Variants in STK3 observed in about 807,000 individuals in gnomAD.
STK3 encodes serine/threonine-protein kinase 3.
In STK3, 41 loss-of-function variants were observed where a neutral mutation model predicts 58.0. The ratio of observed to expected loss-of-function variants is 0.71; its 90% CI spans 0.55 to 0.92. The LOEUF (loss-of-function observed/expected upper bound fraction) is 0.92. Ranked by LOEUF, STK3 falls within the 40% of genes least tolerant of loss-of-function variation. STK3 has a pLI of 0.00. For synonymous variants in STK3, 170 were observed against 191.0 expected (o/e 0.89, Z 0.91); for missense variants, 479 against 602.7 (o/e 0.79, Z 2.15).
At chr8:98,362,125 G>A in the STK3 span, among the ~76,000 whole-genome samples, 143 of 152,300 alleles carry the variant, frequency 9.4e-4, no homozygotes, top group Middle Eastern at 0.024. Flanking sequence ...CAACAAAGAA[G>A]TCTACCTAGA....
At chr8:98,919,084 G>A (rs1198731435) in intron 1 of STK3, among the ~76,000 whole-genome samples, 1 of 152,090 alleles carries the variant, frequency 6.6e-6, no homozygotes, top group East Asian at 1.9e-4. Flanking sequence ...AGCAAGATCT[G>A]CCTGTGTAAC....
At chr8:98,459,124 T>C (rs1273276587) in intron 10 of STK3, among the ~76,000 whole-genome samples, 1 of 152,230 alleles carries the variant, frequency 6.6e-6, no homozygotes, top group African/African-American at 2.4e-5. Flanking sequence ...GCCAAAATGC[T>C]GTTAGTGATA....
intron 3 of STK3, among the ~76,000 whole-genome samples, chr8:98,834,142 G>A (rs1041836581): frequency 1.3e-5 from 2 of 152,142 alleles, no homozygotes; most frequent in African/African-American, 2.4e-5. Flanking sequence ...TAATAATGTA[G>A]CACCAGACAC....
chr8:98,939,433 A>G lies in STK3; in HGVS notation c.-79+2945T>C, dbSNP rs561029447. 1.2e-4 allele frequency among the ~76,000 whole-genome samples: 19 copies of G among 152,346 alleles called. No homozygotes were observed. In the South Asian group the frequency reaches 3.9e-3, roughly 32 times the overall value. Reference sequence around the variant, plus strand: ...AGTTTGCATTTCTAACAAGTTCCAGATGATGCGAATGCTGTTGGACCACAC... The same window carrying G: ...AGTTTGCATTTCTAACAAGTTCCAGGTGATGCGAATGCTGTTGGACCACAC... On this transcript the variant is annotated intron_variant, in intron 1 of 1. Transcript: ENST00000519420.
chr8:98,536,410 T>G (rs891654318), intron 9 of STK3, among the ~76,000 whole-genome samples: 2 of 152,078 alleles, frequency 1.3e-5, no homozygotes, highest in African/African-American at 4.8e-5. Context: ...CTATGGGCTA[T>G]GATCACAAAC....
At chr8:98,585,349 G>A (rs968326484) in intron 7 of STK3, among the ~76,000 whole-genome samples, 1 of 152,158 alleles carries the variant, frequency 6.6e-6, no homozygotes, top group African/African-American at 2.4e-5. Context: ...TTATTAAATA[G>A]GGAATCCTTT....
chr8:98,380,695 T>C (rs1692456955), intron 1 of STK3, among the ~76,000 whole-genome samples: 1 of 152,146 alleles, frequency 6.6e-6, no homozygotes, highest in African/African-American at 2.4e-5. Context: ...TTTAAAAAGG[T>C]GATAGTTTAA....
At chr8:98,663,537 T>C (rs550451776) in intron 6 of STK3, among the ~76,000 whole-genome samples, 6 of 152,258 alleles carry the variant, frequency 3.9e-5, no homozygotes, top group African/African-American at 9.6e-5. Context: ...ACCCAAAAGA[T>C]TATAAATCAT....
At chr8:98,375,373 C>G (rs760196309) in intron 2 of STK3, among the ~76,000 whole-genome samples, 19 of 152,018 alleles carry the variant, frequency 1.2e-4, no homozygotes, top group Non-Finnish European at 2.5e-4. Flanking sequence ...ATAAAACTCT[C>G]TGTCTTCAGA....
downstream of STK3, chr8:98,879,960 T>C (rs1351778584): frequency 6.6e-6 from 1 of 152,094 alleles, no homozygotes; most frequent in African/African-American, 2.4e-5. Flanking sequence ...ATTTCCATAG[T>C]CAAAAATAAA....
At chr8:98,589,992 A>G (rs897770240) in intron 7 of STK3, among the ~76,000 whole-genome samples, 2 of 152,066 alleles carry the variant, frequency 1.3e-5, no homozygotes, top group African/African-American at 4.8e-5. Flanking sequence ...ACCTGCGCCC[A>G]CTGTCTGGCA....
intron 1 of STK3, 108 bp downstream of exon 1, chr8:98,825,407 G>C: frequency 9.3e-7 from 1 of 1,079,110 alleles, no homozygotes; most frequent in Non-Finnish European, 1.2e-6. Context: ...CGCCCGGCTC[G>C]GGGCCCGGCG....
intron 4 of STK3, chr8:98,721,235 A>G: frequency 2.3e-6 from 1 of 443,478 alleles, no homozygotes; most frequent in Non-Finnish European, 3.0e-6. Flanking sequence ...GTAAGTTTCA[A>G]ATCACTAAGC....
chr8:98,920,140 T>C (rs1324660201), intron 1 of STK3, among the ~76,000 whole-genome samples: 1 of 152,230 alleles, frequency 6.6e-6, no homozygotes, highest in Non-Finnish European at 1.5e-5. Context: ...AGGCCAGCCC[T>C]GCTCATACCA....
chr8:98,345,069 G>A, the STK3 span, among the ~76,000 whole-genome samples: 1 of 151,824 alleles, frequency 6.6e-6, no homozygotes, highest in Non-Finnish European at 1.5e-5. Context: ...GAGACCCTTA[G>A]AAGCACAGAA....
chr8:98,917,840 G>A (rs1320183866), intron 1 of STK3, among the ~76,000 whole-genome samples: 1 of 152,190 alleles, frequency 6.6e-6, no homozygotes, highest in African/African-American at 2.4e-5. Flanking sequence ...CTCAAGGTTA[G>A]TGTCATGTCT....
chr8:98,478,123 A>G (rs1301554855), intron 10 of STK3, among the ~76,000 whole-genome samples: 1 of 152,214 alleles, frequency 6.6e-6, no homozygotes, highest in African/African-American at 2.4e-5. Context: ...ACATGACTCA[A>G]TGTAGCGGAA....
chr8:98,375,447 C>A (rs186238777), intron 2 of STK3, among the ~76,000 whole-genome samples: 13 of 152,050 alleles, frequency 8.5e-5, no homozygotes, highest in African/African-American at 2.9e-4. Flanking sequence ...TCTTGGAGAC[C>A]CTTTTGTAGA....
intron 6 of STK3, chr8:98,638,507 T>C (rs1358721133): frequency 6.6e-6 from 1 of 152,226 alleles, no homozygotes; most frequent in African/African-American, 2.4e-5. Flanking sequence ...TGAAATTGTG[T>C]ACTCATATCC....
Sources: gnomAD v4.1 joint callset for allele counts (sites outside exome capture counted in the v4.1 genomes callset) on GRCh38, gnomAD v4.1.1 for gene constraint, MANE v1.5 for transcripts, NCBI Gene and HGNC (gene_info 2026-07-23, HGNC 2026-07-21) for gene names.